ZNF280D: variants seen among roughly 807,000 people sequenced by gnomAD.
The protein encoded by ZNF280D is suppressor of hairy wing homolog 4.
Under a neutral mutation model 94.7 loss-of-function variants are expected in ZNF280D, and 39 were observed. That is an observed-to-expected ratio of 0.41 (90% confidence interval 0.32 to 0.54). The LOEUF (loss-of-function observed/expected upper bound fraction) is 0.54. Ranked by LOEUF, ZNF280D falls within the 20% of genes least tolerant of loss-of-function variation. The probability of loss-of-function intolerance (pLI) is 0.22; values close to 1 mark genes in which losing one functional copy is unlikely to be tolerated. For synonymous variants in ZNF280D, 398 were observed against 377.6 expected, an observed-to-expected ratio of 1.05 and a Z score of -0.63; for missense variants, 1,090 against 1,149.3, an observed-to-expected ratio of 0.95 and a Z score of 0.75.
chr15:56,719,819 T>C (rs545250248), intron 1 of ZNF280D, among the ~76,000 whole-genome samples: 28 of 149,968 alleles, frequency 1.9e-4, no homozygotes, highest in Non-Finnish European at 3.1e-4. Flanking sequence ...TATAGTGTAG[T>C]CTAAATGTAC....
chr15:56,719,175 T>C (rs1458373902), intron 1 of ZNF280D, among the ~76,000 whole-genome samples: 20 of 152,130 alleles, frequency 1.3e-4, no homozygotes. Flanking sequence ...TGTTTGTCTC[T>C]CAAACCTCAG....
intron 7 of ZNF280D, among the ~76,000 whole-genome samples, chr15:56,691,304 A>C (rs1436627042): frequency 6.6e-6 from 1 of 152,128 alleles, no homozygotes; most frequent in African/African-American, 2.4e-5. Context: ...TTCCATCTTC[A>C]AAATACTCGA....
At chr15:56,709,953 C>T (rs1463894764) in intron 1 of ZNF280D, among the ~76,000 whole-genome samples, 3 of 152,154 alleles carry the variant, frequency 2.0e-5, no homozygotes, top group Non-Finnish European at 4.4e-5. Context: ...CACATGTATA[C>T]ATATGTAACA....
At chr15:56,660,693 T>G (rs930714705) in intron 16 of ZNF280D, among the ~76,000 whole-genome samples, 1 of 152,162 alleles carries the variant, frequency 6.6e-6, no homozygotes, top group Admixed American at 6.5e-5. Context: ...AAAAAATCCC[T>G]TACTTGATTA....
intron 1 of ZNF280D, among the ~76,000 whole-genome samples, chr15:56,725,288 G>A (rs889801454): frequency 2.6e-5 from 4 of 151,620 alleles, no homozygotes. Context: ...AAAAAAAGAT[G>A]TGTGGTTGAC....
chr15:56,631,735 A>G lies in ZNF280D; in HGVS notation c.2703T>C (p.His901=), dbSNP rs2052083520. ...VSIDQFLRKR[H]EPESVSSDVS... is the part of the protein sequence containing the mutation. ...CATCAGAACTAACAGATTCAGGTTC[A>G]TGTCTTTTTCTCAAAAACTGATCAA... Residue 901 remains histidine, a synonymous_variant, in exon 22 of 22, where the codon CAT becomes CAC. Transcript: ENST00000267807. 1 of 1,614,160 alleles carries G rather than the reference A, an allele frequency of 6.2e-7. No individual in the cohort carries two copies. The highest frequency in any genetic ancestry group is 8.5e-7 in the Non-Finnish European group (1 of 1,180,010).
intron 1 of ZNF280D, among the ~76,000 whole-genome samples, chr15:56,717,309 T>G (rs1483397937): frequency 1.2e-4 from 18 of 152,200 alleles, no homozygotes; most frequent in African/African-American, 4.1e-4. Context: ...TTTGTCTAGG[T>G]CAAGTTGAAA....
At chr15:56,686,462 G>C (rs965927875) in intron 9 of ZNF280D, among the ~76,000 whole-genome samples, 4 of 152,068 alleles carry the variant, frequency 2.6e-5, no homozygotes, top group Non-Finnish European at 4.4e-5. Context: ...ATAAAAGCTA[G>C]ATTCTTCTAT....
At chr15:56,656,451 G>T (rs1414617306) in intron 17 of ZNF280D, among the ~76,000 whole-genome samples, 1 of 152,052 alleles carries the variant, frequency 6.6e-6, no homozygotes, top group Non-Finnish European at 1.5e-5. Flanking sequence ...CCACAATGAG[G>T]TAAAAATTGA....
intron 1 of ZNF280D, 46 bp from the exon 2 acceptor site, chr15:56,707,352 A>T: frequency 6.9e-7 from 1 of 1,447,774 alleles, no homozygotes; most frequent in Non-Finnish European, 9.3e-7. Context: ...TCATTAAATT[A>T]GATGTATACA....
intron 1 of ZNF280D, among the ~76,000 whole-genome samples, chr15:56,711,906 T>C (rs2057778544): frequency 6.6e-6 from 1 of 152,190 alleles, no homozygotes; most frequent in South Asian, 2.1e-4. Context: ...AGCCTATTGC[T>C]CCTAGGCTAT....
intron 13 of ZNF280D, among the ~76,000 whole-genome samples, chr15:56,671,201 T>C (rs561063391): frequency 1.0e-3 from 152 of 152,268 alleles, no homozygotes; most frequent in African/African-American, 3.5e-3. Flanking sequence ...ATTTTTGCTT[T>C]TGTTGCAATT....
chr15:56,683,399 T>G (rs2055774660), intron 9 of ZNF280D, among the ~76,000 whole-genome samples: 1 of 152,166 alleles, frequency 6.6e-6, no homozygotes, highest in Non-Finnish European at 1.5e-5. Flanking sequence ...CGGAGGGGCA[T>G]AGCTGAGCTG....
intron 1 of ZNF280D, among the ~76,000 whole-genome samples, chr15:56,710,133 C>T (rs185631634): frequency 1.1e-4 from 17 of 152,298 alleles, no homozygotes; most frequent in African/African-American, 2.9e-4. Flanking sequence ...ACGGGCGCGG[C>T]GGCTCACGCC....
At chr15:56,653,429 G>T in intron 19 of ZNF280D, 1 of 1,414,720 alleles carries the variant, frequency 7.1e-7, no homozygotes, top group South Asian at 1.5e-5. Flanking sequence ...TGTAGAAAGG[G>T]AGTCTCCCCA....
At chr15:56,715,750 AG>A (rs1249438839) in intron 1 of ZNF280D, among the ~76,000 whole-genome samples, 1 of 152,178 alleles carries the variant, frequency 6.6e-6, no homozygotes, top group Non-Finnish European at 1.5e-5. Flanking sequence ...TATAAATTGA[AG>A]ATGTACTGCT....
chr15:56,732,782 G>C (rs1170701210), intron 1 of ZNF280D: 2 of 152,226 alleles, frequency 1.3e-5, no homozygotes, highest in African/African-American at 4.8e-5. Flanking sequence ...TAAAACCTCA[G>C]AGTGAGATCA....
At chr15:56,706,008 CT>C (rs1163769554) in intron 3 of ZNF280D, among the ~76,000 whole-genome samples, 7 of 148,154 alleles carry the variant, frequency 4.7e-5, no homozygotes, top group African/African-American at 1.8e-4. Flanking sequence ...TGTTTAAGAC[CT>C]AACCCTCACC....
chr15:56,727,613 C>T (rs2058688583), intron 1 of ZNF280D, among the ~76,000 whole-genome samples: 4 of 152,220 alleles, frequency 2.6e-5, no homozygotes, highest in Admixed American at 2.6e-4. Context: ...TGATCCCCTT[C>T]ATCTGTTTCT....
Sources: allele counts gnomAD v4.1 joint callset (sites outside exome capture counted in the v4.1 genomes callset), GRCh38; gene constraint gnomAD v4.1.1; transcripts MANE v1.5; gene names NCBI Gene and HGNC (gene_info 2026-07-23, HGNC 2026-07-21).